SLC5A10: variants seen among roughly 807,000 people sequenced by gnomAD.
SLC5A10 encodes sodium/mannose cotransporter SLC5A10.
A neutral mutation model predicts 68.9 loss-of-function variants in SLC5A10; 55 were observed. That is an observed-to-expected ratio of 0.80 (90% CI 0.64 to 1.00). The LOEUF is 1.00. Among genes scored for constraint, SLC5A10 ranks in the 50% least tolerant of loss-of-function variants. SLC5A10 has a pLI of 0.00. For missense variants in SLC5A10, 732 were observed against 819.3 expected, an observed-to-expected ratio of 0.89 and a Z score of 1.30; for synonymous variants, 344 against 344.8, an observed-to-expected ratio of 1.00 and a Z score of 0.02.
At chr17:18,965,356 T>C (rs955645044) in intron 5 of SLC5A10, among the ~76,000 whole-genome samples, 24 of 152,046 alleles carry the variant, frequency 1.6e-4, no homozygotes, top group Non-Finnish European at 2.4e-4. Flanking sequence ...CCAAAAAGAT[T>C]TGGGAGAAAT....
At chr17:18,962,325 CAAAG>C (rs2042627667) in intron 5 of SLC5A10, among the ~76,000 whole-genome samples, 2 of 151,956 alleles carry the variant, frequency 1.3e-5, no homozygotes, top group Admixed American at 6.6e-5. Flanking sequence ...GAGCAAATGA[CAAAG>C]AGAGAGGTGG....
upstream of SLC5A10, among the ~76,000 whole-genome samples, chr17:18,951,192 G>A (rs1383930771): frequency 1.3e-5 from 2 of 152,254 alleles, no homozygotes; most frequent in African/African-American, 2.4e-5. Flanking sequence ...ACTGAGCAGA[G>A]GCGTGAGACT....
Position 18,968,948 on chromosome 17 carries a change from C to T in SLC5A10, c.454-104C>T. ...AGTGGGGGTCTCCCCTCCTTATCCACAGGCCACCGAGGCCCAGAGAGGGCC... is the reference window on the plus strand; with the variant it reads ...AGTGGGGGTCTCCCCTCCTTATCCATAGGCCACCGAGGCCCAGAGAGGGCC... On this transcript the variant is annotated intron_variant, in intron 5 of 14. Coordinates refer to ENST00000395645, the MANE Select transcript of SLC5A10 (RefSeq NM_001042450.4). This position sits in a 1 kb window ranked among gnomAD's most constrained non-coding sequence, Gnocchi z 4.1. 1.8e-6 allele frequency: 2 copies of T among 1,104,124 alleles called. No homozygotes were observed. The highest frequency in any genetic ancestry group is 1.3e-6 in the Non-Finnish European group (1 of 783,504). The allele number at this position is 1,104,124 out of a possible 1,614,324, so 68.4% of individuals were successfully genotyped here.
chr17:18,979,655 T>C (rs775165875), intron 9 of SLC5A10: 24 of 1,613,440 alleles, frequency 1.5e-5, no homozygotes, highest in Non-Finnish European at 1.9e-5. Flanking sequence ...GTTCCCCCGC[T>C]GCTCCGCACT....
intron 9 of SLC5A10, among the ~76,000 whole-genome samples, chr17:19,007,144 T>C (rs1406868688): frequency 6.6e-6 from 1 of 151,986 alleles, no homozygotes; most frequent in Non-Finnish European, 1.5e-5. Flanking sequence ...CAACAATGTA[T>C]GAGTGATCCA....
chr17:18,992,438 A>C (rs904319496), intron 9 of SLC5A10, among the ~76,000 whole-genome samples: 3 of 152,198 alleles, frequency 2.0e-5, no homozygotes, highest in African/African-American at 7.2e-5. Flanking sequence ...GGGTGACAGC[A>C]TCTCACACAA....
chr17:18,956,466 T>G (rs770002486), intron 1 of SLC5A10, among the ~76,000 whole-genome samples: 258 of 82,954 alleles, frequency 3.1e-3, no homozygotes, highest in Non-Finnish European at 4.2e-3. Context: ...TTTCTTTCTG[T>G]TTTTTTTTTT....
intron 5 of SLC5A10, among the ~76,000 whole-genome samples, chr17:18,962,913 C>T (rs937341241): frequency 9.2e-5 from 14 of 152,094 alleles, no homozygotes; most frequent in African/African-American, 2.7e-4. Flanking sequence ...ATGGCTTGGG[C>T]GGAACTTCTA....
intron 5 of SLC5A10, among the ~76,000 whole-genome samples, chr17:18,966,224 G>A (rs895591957): frequency 6.6e-6 from 1 of 152,152 alleles, no homozygotes; most frequent in Non-Finnish European, 1.5e-5. Flanking sequence ...CACAGGAGCA[G>A]GCAGGCACCT....
chr17:18,961,694 TG>T (rs1397822288), intron 5 of SLC5A10, among the ~76,000 whole-genome samples: 1 of 152,152 alleles, frequency 6.6e-6, no homozygotes, highest in African/African-American at 2.4e-5. Context: ...AGCCAGGAGC[TG>T]TGGGCAGGGC....
intron 9 of SLC5A10, among the ~76,000 whole-genome samples, chr17:18,999,076 G>A (rs533340624): frequency 6.6e-6 from 1 of 152,144 alleles, no homozygotes; most frequent in South Asian, 2.1e-4. Context: ...TCAGGAGTTC[G>A]AGACCCACCT....
chr17:18,963,176 A>C (rs1346586007), intron 5 of SLC5A10, among the ~76,000 whole-genome samples: 1 of 152,206 alleles, frequency 6.6e-6, no homozygotes, highest in Non-Finnish European at 1.5e-5. Flanking sequence ...CTCCAAAAAT[A>C]AAAAGAACAA....
chr17:18,969,227 C>T, intron 6 of SLC5A10, 70 bp downstream of exon 6: 3 of 1,581,596 alleles, frequency 1.9e-6, no homozygotes, highest in Non-Finnish European at 2.6e-6. Context: ...CCTCCCCCTA[C>T]AGGCCCGAGG....
chr17:18,976,793 C>T (rs1187816814), intron 8 of SLC5A10, 61 bp from the exon 9 acceptor site: 3 of 1,594,810 alleles, frequency 1.9e-6, no homozygotes, highest in Non-Finnish European at 2.6e-6. Context: ...CCACCAAGGA[C>T]CAATCCTGAC....
At chr17:19,020,094 C>A in intron 13 of SLC5A10, 61 bp from the exon 14 acceptor site, 1 of 1,497,344 alleles carries the variant, frequency 6.7e-7, no homozygotes, top group Non-Finnish European at 9.1e-7. Context: ...TTGATCCTGT[C>A]TGGGTCACCC....
At chr17:18,978,544 C>G (rs766603981) in intron 9 of SLC5A10, 16 of 1,613,202 alleles carry the variant, frequency 9.9e-6, no homozygotes, top group South Asian at 5.5e-5. Flanking sequence ...CTTTCAGCCC[C>G]AGGGGCTTCT....
At position 19,003,103 on chromosome 17, in the gene SLC5A10, C is replaced by T. The variant is rs1032938644; in HGVS notation, c.983-10307C>T. ...ACTTGGACCATGCCTATTCCCTCAC[C>T]CCACAACAAAAGCTCTCCCCACCAG... On this transcript the variant is annotated intron_variant, in intron 9 of 14. Coordinates refer to ENST00000395645, the MANE Select transcript of SLC5A10 (RefSeq NM_001042450.4). The surrounding 1 kb of genome is among the most constrained non-coding windows in gnomAD (Gnocchi z 4.5). Among the ~76,000 whole-genome samples the T allele has an allele frequency of 1.3e-5, 2 of 152,016 alleles. No homozygotes were observed. Among genetic ancestry groups the T allele is most frequent in the Middle Eastern group, 3.2e-3 (1 of 316 alleles).
intron 5 of SLC5A10, among the ~76,000 whole-genome samples, chr17:18,965,299 C>T (rs1056501748): frequency 1.3e-5 from 2 of 151,950 alleles, no homozygotes; most frequent in African/African-American, 2.4e-5. Context: ...CCCCGGAGGA[C>T]GGTGATGGCC....
chr17:19,019,757 G>C lies in SLC5A10; in HGVS notation c.1455G>C (p.Thr485=). The C allele has an allele frequency of 6.2e-7, 1 of 1,612,574 alleles. No individual in the cohort carries two copies. Among genetic ancestry groups the C allele is most frequent in the Non-Finnish European group, 8.5e-7 (1 of 1,179,750 alleles). The change falls in exon 13 of 15, where the codon ACG becomes ACC. Residue 485 remains threonine, a synonymous_variant. Coordinates refer to ENST00000395645, the MANE Select transcript of SLC5A10 (RefSeq NM_001042450.4). ...TAGCAGGGCTGGTGGTGGGGGCCAC[G>C]AGGCTGGTCCTGGAATTCCTGAACC... ...GLIAGLVVGA[T]RLVLEFLNPA...
Sources: gnomAD v4.1 joint callset for allele counts (sites outside exome capture counted in the v4.1 genomes callset) on GRCh38, gnomAD v4.1.1 for gene constraint, Gnocchi (gnomAD v3.1) non-coding constraint, MANE v1.5 for transcripts, NCBI Gene and HGNC (gene_info 2026-07-23, HGNC 2026-07-21) for gene names.